Variants in KIF13B observed in about 807,000 individuals in gnomAD.
KIF13B encodes kinesin family member 13B.
A neutral mutation model predicts 222.0 loss-of-function variants in KIF13B; 127 were observed. That is an observed-to-expected ratio of 0.57 (90% confidence interval 0.50 to 0.66). The LOEUF (loss-of-function observed/expected upper bound fraction) is 0.66, where lower values mean the gene tolerates loss of function less well. KIF13B is among the 30% of genes least tolerant of loss of function. KIF13B has a pLI of 0.00. For missense variants in KIF13B, 2,173 were observed against 2,379.0 expected (o/e 0.91, Z 1.80); for synonymous variants, 976 against 919.0 (o/e 1.06, Z -1.12).
chr8:29,198,382 C>T (rs910325382), intron 2 of KIF13B, among the ~76,000 whole-genome samples: 1 of 151,932 alleles, frequency 6.6e-6, no homozygotes, highest in Non-Finnish European at 1.5e-5. Flanking sequence ...AGTACAGTGG[C>T]GTGATCTTGG....
intron 2 of KIF13B, among the ~76,000 whole-genome samples, chr8:29,207,930 G>C (rs921146540): frequency 3.3e-5 from 5 of 152,206 alleles, no homozygotes; most frequent in African/African-American, 4.8e-5. Context: ...ACAGTCTGGG[G>C]CAGGCACCAT....
chr8:29,202,910 CTGCT>C (rs926793299), intron 2 of KIF13B, among the ~76,000 whole-genome samples: 2 of 152,054 alleles, frequency 1.3e-5, no homozygotes, highest in Non-Finnish European at 2.9e-5. Flanking sequence ...CCTAGCAATT[CTGCT>C]TGCTTAAGGC....
chr8:29,211,299 A>C (rs1371210808), intron 2 of KIF13B, among the ~76,000 whole-genome samples: 1 of 152,230 alleles, frequency 6.6e-6, no homozygotes, highest in Non-Finnish European at 1.5e-5. Flanking sequence ...CCTGCCATAA[A>C]CAGCAAGAAA....
chr8:29,169,922 A>T (rs576085733), intron 10 of KIF13B, among the ~76,000 whole-genome samples: 105 of 152,344 alleles, frequency 6.9e-4, no homozygotes, highest in African/African-American at 2.5e-3. Flanking sequence ...CTGAAAGGGG[A>T]TTTGTAACGA....
At chr8:29,187,868 C>G (rs1813010075) in intron 5 of KIF13B, among the ~76,000 whole-genome samples, 1 of 152,182 alleles carries the variant, frequency 6.6e-6, no homozygotes, top group Non-Finnish European at 1.5e-5. Context: ...GATCATCAGC[C>G]TTTCCAGATA....
chr8:29,229,198 A>G (rs747414446), intron 2 of KIF13B, among the ~76,000 whole-genome samples: 15 of 150,522 alleles, frequency 1.0e-4, no homozygotes, highest in Non-Finnish European at 2.1e-4. Context: ...GAATGTCTTT[A>G]GTTCTGATCT....
At chr8:29,135,109 T>A (rs1379556329) in intron 21 of KIF13B, among the ~76,000 whole-genome samples, 4 of 152,136 alleles carry the variant, frequency 2.6e-5, no homozygotes, top group Non-Finnish European at 5.9e-5. Flanking sequence ...AGTGGCACAA[T>A]CATGGCTAAC....
At chr8:29,107,756 T>A (rs551489182) in intron 35 of KIF13B, among the ~76,000 whole-genome samples, 3 of 151,930 alleles carry the variant, frequency 2.0e-5, no homozygotes, top group Admixed American at 6.6e-5. Context: ...GAGACGGGGT[T>A]TCACCGTGTT....
At chr8:29,099,946 C>T (rs188369803) in intron 35 of KIF13B, among the ~76,000 whole-genome samples, 97 of 152,294 alleles carry the variant, frequency 6.4e-4, no homozygotes, top group African/African-American at 2.3e-3. Flanking sequence ...CACAGAAACC[C>T]ACGAACAACT....
At chr8:29,086,245 T>A (rs1405524195) in intron 37 of KIF13B, among the ~76,000 whole-genome samples, 2 of 152,196 alleles carry the variant, frequency 1.3e-5, no homozygotes, top group African/African-American at 4.8e-5. Flanking sequence ...TTAGATAGGA[T>A]AGTGTGAGTT....
chr8:29,077,843 G>A (rs1249556856), intron 37 of KIF13B, among the ~76,000 whole-genome samples: 3 of 152,148 alleles, frequency 2.0e-5, no homozygotes, highest in African/African-American at 7.2e-5. Context: ...GTCCTACCAT[G>A]CGGGGGGCGT....
intron 6 of KIF13B, 25 bp from the exon 7 acceptor site, chr8:29,182,031 A>G (rs1007089768): frequency 1.3e-5 from 20 of 1,576,100 alleles, no homozygotes; most frequent in Admixed American, 1.7e-5. Context: ...CAAAGAAATG[A>G]TTTTTTAACA....
At chr8:29,192,677 T>C (rs531492766) in intron 3 of KIF13B, among the ~76,000 whole-genome samples, 14 of 152,276 alleles carry the variant, frequency 9.2e-5, no homozygotes, top group East Asian at 7.7e-4. Flanking sequence ...GGACCAGAAG[T>C]CTAAAAGGTT....
At chr8:29,133,642 G>A (rs530759204) in intron 22 of KIF13B, among the ~76,000 whole-genome samples, 6 of 152,180 alleles carry the variant, frequency 3.9e-5, no homozygotes, top group African/African-American at 1.4e-4. Flanking sequence ...AGATAACTAC[G>A]GTGGAGGATC....
intron 35 of KIF13B, among the ~76,000 whole-genome samples, chr8:29,104,891 C>T (rs1194585312): frequency 6.6e-6 from 1 of 151,824 alleles, no homozygotes; most frequent in Admixed American, 6.6e-5. Flanking sequence ...ACTACAGGTG[C>T]CCACCACCTC....
chr8:29,172,067 C>G (rs1812266680), intron 10 of KIF13B, among the ~76,000 whole-genome samples: 1 of 134,498 alleles, frequency 7.4e-6, no homozygotes, highest in South Asian at 2.5e-4. Context: ...AGCCAGATCA[C>G]ATATATTTTC....
At chr8:29,164,000 T>C (rs1811888831) in intron 12 of KIF13B, among the ~76,000 whole-genome samples, 2 of 152,330 alleles carry the variant, frequency 1.3e-5, no homozygotes, top group African/African-American at 4.8e-5. Flanking sequence ...CTCTTCTCTA[T>C]AATTTTAGGG....
intron 13 of KIF13B, among the ~76,000 whole-genome samples, chr8:29,156,832 T>G (rs745947282): frequency 3.3e-5 from 5 of 152,098 alleles, no homozygotes; most frequent in Non-Finnish European, 7.4e-5. Flanking sequence ...CAGCCACTAT[T>G]ATTTTCTGCC....
chr8:29,134,865 A>C (rs1468466861), intron 21 of KIF13B, among the ~76,000 whole-genome samples: 1 of 152,164 alleles, frequency 6.6e-6, no homozygotes, highest in Non-Finnish European at 1.5e-5. Context: ...AGCCTTCTCT[A>C]TGCAGATTTG....
Sources: allele counts gnomAD v4.1 joint callset (sites outside exome capture counted in the v4.1 genomes callset), GRCh38; gene constraint gnomAD v4.1.1; transcripts MANE v1.5; gene names NCBI Gene and HGNC (gene_info 2026-07-23, HGNC 2026-07-21).